The following XXYLT1 variants were observed in gnomAD, a reference collection of about 807,000 sequenced individuals.
The protein encoded by XXYLT1 is xyloside xylosyltransferase 1, also known as UDP-xylose:alpha-xyloside alpha-1,3-xylosyltransferase.
XXYLT1 carries 20 observed loss-of-function variants against 28.9 expected under a neutral mutation model. The observed-to-expected ratio is 0.69, with a 90% CI of 0.49 to 1.00. XXYLT1 has a LOEUF of 1.00. Ranked by LOEUF, XXYLT1 falls within the 50% of genes least tolerant of loss-of-function variation. The probability of loss-of-function intolerance (pLI) is 0.00; values close to 1 mark genes in which losing one functional copy is unlikely to be tolerated. For missense variants in XXYLT1, 542 were observed against 560.1 expected, an observed-to-expected ratio of 0.97 and a Z score of 0.33; for synonymous variants, 257 against 253.8, an observed-to-expected ratio of 1.01 and a Z score of -0.12.
intron 2 of XXYLT1, among the ~76,000 whole-genome samples, chr3:195,187,886 G>A (rs1306492074): frequency 1.3e-5 from 2 of 152,148 alleles, no homozygotes; most frequent in Admixed American, 6.5e-5. Context: ...CTTCAAAGAG[G>A]TGTCCTTGTT....
intron 2 of XXYLT1, among the ~76,000 whole-genome samples, chr3:195,206,826 A>G (rs1723091417): frequency 6.6e-6 from 1 of 152,034 alleles, no homozygotes; most frequent in African/African-American, 2.4e-5. Flanking sequence ...ATAAAATAAG[A>G]TCTGGTATTT....
chr3:195,107,914 C>A (rs1717243334), intron 3 of XXYLT1, among the ~76,000 whole-genome samples: 1 of 151,780 alleles, frequency 6.6e-6, no homozygotes, highest in African/African-American at 2.4e-5. Flanking sequence ...TTCTTCCAGT[C>A]AGCTGCTGGC....
chr3:195,090,784 A>T (rs1162286365), intron 3 of XXYLT1, among the ~76,000 whole-genome samples: 19 of 146,148 alleles, frequency 1.3e-4, no homozygotes, highest in Middle Eastern at 3.3e-3. Context: ...CACTAGCAAG[A>T]CTAATAAAGA....
At chr3:195,251,466 G>C (rs1378960963) in intron 1 of XXYLT1, among the ~76,000 whole-genome samples, 1 of 152,214 alleles carries the variant, frequency 6.6e-6, no homozygotes, top group Non-Finnish European at 1.5e-5. Flanking sequence ...TGCCCATGAA[G>C]GGAGTGAGGC....
rs755797719 is a variant in XXYLT1, at chr3:195,115,935, CGCTCA to C, written c.785+40509_785+40513del. ...CAGGGACAGTGATAAGGAGCTGGGC[CGCTCA>C]GGAGATGGCAGGAAACTCAAGTCAG... On this transcript the variant is annotated intron_variant, in intron 3 of 3. Transcript: ENST00000310380. The surrounding 1 kb of genome is among the most constrained non-coding windows in gnomAD (Gnocchi z 4.2). 6.6e-6 allele frequency among the ~76,000 whole-genome samples: 1 copy of C among 152,106 alleles called. No individual in the cohort carries two copies. The highest frequency in any genetic ancestry group is 1.5e-5 in the Non-Finnish European group (1 of 68,042).
In XXYLT1 at chr3:195,181,262, T is replaced by TGG. The variant is rs1553817057; in HGVS notation, c.653-24682_653-24681insCC. Among the ~76,000 whole-genome samples, 163 of 120,320 alleles carry TGG rather than the reference T, an allele frequency of 1.4e-3. 1 individual carries two copies. The highest frequency in any genetic ancestry group is 6.1e-3 in the African/African-American group (155 of 25,544). 78.9% of individuals were successfully genotyped at this position (120,320 alleles called of 152,430 possible). ...TCTCCCTTTTCACACTGGCTGTGTA[T>TGG]CTGCGTGGCTGCGTGGCTGCGTGGC... On this transcript the variant is annotated intron_variant, in intron 2 of 3. Transcript: ENST00000310380.
chr3:195,174,756 C>G (rs1006157909), intron 2 of XXYLT1, among the ~76,000 whole-genome samples: 1 of 147,842 alleles, frequency 6.8e-6, no homozygotes, highest in Non-Finnish European at 1.5e-5. Flanking sequence ...GCCTCCTCCT[C>G]GTCCCCTTTC....
intron 2 of XXYLT1, among the ~76,000 whole-genome samples, chr3:195,213,473 G>A (rs1439743172): frequency 1.3e-5 from 2 of 151,792 alleles, no homozygotes; most frequent in East Asian, 1.9e-4. Context: ...CATGTTGGTC[G>A]GGCTAGTCTC....
At chr3:195,270,470 C>T in intron 1 of XXYLT1, 85 bp downstream of exon 1, 1 of 1,343,786 alleles carries the variant, frequency 7.4e-7, no homozygotes, top group Non-Finnish European at 9.5e-7. Flanking sequence ...CGCTAGTTCC[C>T]CGGATCCCCT....
Position 195,168,762 on chromosome 3 carries a change from T to C in XXYLT1, c.653-12181A>G, listed in dbSNP as rs370131866. Among the ~76,000 whole-genome samples the C allele has an allele frequency of 6.8e-4, 104 of 152,350 alleles. 1 individual carries two copies. The highest frequency in any genetic ancestry group is 2.5e-3 in the African/African-American group (102 of 41,592). ...AGCCCCTGGAATATTTGAAAGGCCC[T>C]CACTTTCTATTTTGCAAATGTTGAA... On this transcript the variant is annotated intron_variant, in intron 2 of 3. Transcript: ENST00000310380. This position sits in a 1 kb window ranked among gnomAD's most constrained non-coding sequence, Gnocchi z 4.3.
intron 1 of XXYLT1, among the ~76,000 whole-genome samples, chr3:195,230,463 C>A (rs1432678091): frequency 1.3e-5 from 2 of 152,172 alleles, no homozygotes; most frequent in African/African-American, 4.8e-5. Flanking sequence ...TTTGCCAAGT[C>A]CAATGTCCTG....
chr3:195,232,792 C>G (rs1165429924), intron 1 of XXYLT1, among the ~76,000 whole-genome samples: 2 of 152,180 alleles, frequency 1.3e-5, no homozygotes, highest in Non-Finnish European at 2.9e-5. Flanking sequence ...TGTTTTGCAA[C>G]CTAGCATATG....
At position 195,270,837 on chromosome 3, in the gene XXYLT1, C is replaced by G; in HGVS notation, c.222G>C (p.Ala74=). ...CGGGGGCTGGCGCCACGGAGCCCCG[C>G]GCTAGCTCCAGCGCGGGCGGCGAGG... ...AAPSPPALEL[A]RGSVAPAPGA... The change falls in exon 1 of 4, where the codon GCG becomes GCC. Residue 74 remains alanine, a synonymous_variant. Coordinates refer to ENST00000310380, the MANE Select transcript of XXYLT1 (RefSeq NM_152531.5). The G allele has an allele frequency of 6.9e-7, 1 of 1,455,490 alleles. No individual in the cohort carries two copies. The highest frequency in any genetic ancestry group is 9.0e-7 in the Non-Finnish European group (1 of 1,105,546). 90.2% of individuals were successfully genotyped at this position (1,455,490 alleles called of 1,614,324 possible).
At chr3:195,186,508 A>G (rs943705825) in intron 2 of XXYLT1, among the ~76,000 whole-genome samples, 1 of 151,986 alleles carries the variant, frequency 6.6e-6, no homozygotes, top group Admixed American at 6.6e-5. Context: ...TTTTCCACTC[A>G]ATATGCTCTC....
At chr3:195,211,927 G>A (rs1343706957) in intron 2 of XXYLT1, among the ~76,000 whole-genome samples, 8 of 148,988 alleles carry the variant, frequency 5.4e-5, no homozygotes, top group Non-Finnish European at 8.9e-5. Context: ...AAGATCTGGA[G>A]GAGGAAAGGG....
chr3:195,081,485 G>C (rs1025934853), intron 3 of XXYLT1, among the ~76,000 whole-genome samples: 4 of 151,768 alleles, frequency 2.6e-5, no homozygotes, highest in African/African-American at 9.7e-5. Context: ...TGGAGGGAAG[G>C]CCAGGAGGCA....
At chr3:195,230,978 A>C (rs115096231) in intron 1 of XXYLT1, among the ~76,000 whole-genome samples, 9,437 of 151,992 alleles carry the variant, frequency 0.062, 997 homozygotes, top group African/African-American at 0.21. Flanking sequence ...GTAGTATGGA[A>C]AGTTTAACAA....
intron 3 of XXYLT1, among the ~76,000 whole-genome samples, chr3:195,145,512 T>A (rs1470875061): frequency 4.2e-5 from 6 of 143,676 alleles, no homozygotes; most frequent in Admixed American, 6.9e-5. Context: ...TGACCGGCAC[T>A]GATGGGGCCC....
intron 2 of XXYLT1, among the ~76,000 whole-genome samples, chr3:195,161,870 G>A (rs1720890147): frequency 6.6e-6 from 1 of 151,964 alleles, no homozygotes; most frequent in Admixed American, 6.6e-5. Context: ...CGCCCACCTT[G>A]GCCTCCCAAA....
Sources: allele counts gnomAD v4.1 joint callset (sites outside exome capture counted in the v4.1 genomes callset), GRCh38; gene constraint gnomAD v4.1.1; non-coding constraint Gnocchi (gnomAD v3.1); transcripts MANE v1.5; gene names NCBI Gene and HGNC (gene_info 2026-07-23, HGNC 2026-07-21).